PLPPR1: variants seen among roughly 807,000 people sequenced by gnomAD.
PLPPR1 encodes the protein phospholipid phosphatase-related protein type 1.
A neutral mutation model predicts 33.1 loss-of-function variants in PLPPR1; 10 were observed. That is an observed-to-expected ratio of 0.30 (90% CI 0.19 to 0.51). PLPPR1 has a LOEUF of 0.51. Among genes scored for constraint, PLPPR1 ranks in the 20% least tolerant of loss-of-function variants. PLPPR1 has a pLI of 0.97. For synonymous variants in PLPPR1, 151 were observed against 151.0 expected (o/e 1.00, Z 0.00); for missense variants, 304 against 408.1 (o/e 0.74, Z 2.20).
intron 1 of PLPPR1, among the ~76,000 whole-genome samples, chr9:101,121,259 T>C (rs1448975744): frequency 6.6e-6 from 1 of 152,224 alleles, no homozygotes; most frequent in Non-Finnish European, 1.5e-5. Flanking sequence ...ATTGAGCTCC[T>C]ATGTATCAGA....
intron 2 of PLPPR1, among the ~76,000 whole-genome samples, chr9:101,200,322 C>T (rs2118746177): frequency 6.6e-6 from 1 of 152,216 alleles, no homozygotes; most frequent in East Asian, 1.9e-4. Flanking sequence ...TGGCTTCCCT[C>T]CCTTTCCCAT....
intron 1 of PLPPR1, among the ~76,000 whole-genome samples, chr9:101,173,854 T>C (rs977607162): frequency 3.9e-5 from 6 of 152,214 alleles, no homozygotes; most frequent in Admixed American, 6.5e-5. Context: ...ATTTTGAGGA[T>C]AGAAGCCGGC....
chr9:101,151,699 C>A (rs1057010959), intron 1 of PLPPR1, among the ~76,000 whole-genome samples: 1 of 152,174 alleles, frequency 6.6e-6, no homozygotes, highest in African/African-American at 2.4e-5. Flanking sequence ...TGCCACTTCT[C>A]TCTCTCCCAG....
intron 1 of PLPPR1, among the ~76,000 whole-genome samples, chr9:101,143,836 T>A (rs1162747468): frequency 6.6e-6 from 1 of 152,252 alleles, no homozygotes; most frequent in Admixed American, 6.5e-5. Flanking sequence ...TTGGTGGAAC[T>A]GTAAACTAGT....
chr9:101,198,864 G>A (rs1826444170), intron 2 of PLPPR1, among the ~76,000 whole-genome samples: 1 of 152,236 alleles, frequency 6.6e-6, no homozygotes, highest in African/African-American at 2.4e-5. Flanking sequence ...AGGGAGTAGT[G>A]ACAGAGGAGA....
At chr9:101,085,685 C>T (rs75058662) in intron 1 of PLPPR1, among the ~76,000 whole-genome samples, 8,088 of 152,194 alleles carry the variant, frequency 0.053, 381 homozygotes, top group African/African-American at 0.12. Flanking sequence ...GAAAATGGAT[C>T]CCGTTATTCC....
chr9:101,156,552 CAAAAAAA>C (rs1162056636), intron 1 of PLPPR1, among the ~76,000 whole-genome samples: 2 of 71,330 alleles, frequency 2.8e-5, no homozygotes, highest in Admixed American at 3.1e-4. Flanking sequence ...ACCCTGTCTC[CAAAAAAA>C]AAAAAAAAAA....
intron 1 of PLPPR1, chr9:101,125,412 A>G (rs1423225417): frequency 4.9e-6 from 1 of 202,630 alleles, no homozygotes; most frequent in Non-Finnish European, 1.0e-5. Context: ...ACTTATCTCT[A>G]CTTACTTACT....
chr9:101,223,921 CAAAT>C (rs1263990626), intron 2 of PLPPR1, among the ~76,000 whole-genome samples: 1 of 151,898 alleles, frequency 6.6e-6, no homozygotes, highest in African/African-American at 2.4e-5. Context: ...TTGTAGAAAA[CAAAT>C]AGTTTTTAGT....
At chr9:101,238,234 A>G (rs1380255721) in intron 2 of PLPPR1, among the ~76,000 whole-genome samples, 4 of 136,482 alleles carry the variant, frequency 2.9e-5, no homozygotes, top group Admixed American at 7.3e-5. Context: ...ACCTCTCTAT[A>G]TATACCTATA....
At chr9:101,149,892 T>G (rs1366771059) in intron 1 of PLPPR1, among the ~76,000 whole-genome samples, 3 of 152,186 alleles carry the variant, frequency 2.0e-5, no homozygotes, top group Non-Finnish European at 2.9e-5. Context: ...CCATTTTTTC[T>G]GTTCTCTTTT....
At chr9:101,292,327 A>T (rs1364720318) in intron 4 of PLPPR1, among the ~76,000 whole-genome samples, 1 of 152,218 alleles carries the variant, frequency 6.6e-6, no homozygotes, top group Non-Finnish European at 1.5e-5. Context: ...GGTGTACCTG[A>T]AAGTGATGGG....
chr9:101,210,959 G>T (rs1044765966), intron 2 of PLPPR1, among the ~76,000 whole-genome samples: 10 of 152,094 alleles, frequency 6.6e-5, no homozygotes, highest in African/African-American at 2.4e-4. Flanking sequence ...AGTAGAAACG[G>T]GGTTTCACCA....
chr9:101,304,841 G>A (rs1828826104), intron 4 of PLPPR1, among the ~76,000 whole-genome samples: 2 of 152,144 alleles, frequency 1.3e-5, no homozygotes, highest in African/African-American at 4.8e-5. Context: ...ACTCTATAGA[G>A]CGTGCACAAA....
chr9:101,317,225 C>T, intron 6 of PLPPR1, 140 bp from the exon 7 acceptor site: 1 of 853,108 alleles, frequency 1.2e-6, no homozygotes, highest in Admixed American at 2.5e-5. Flanking sequence ...ACAGCACTTC[C>T]CATAGTCCCT....
At chr9:101,265,408 C>T (rs1827971549) in intron 2 of PLPPR1, among the ~76,000 whole-genome samples, 1 of 152,184 alleles carries the variant, frequency 6.6e-6, no homozygotes, top group Non-Finnish European at 1.5e-5. Context: ...AGTACTTGCA[C>T]CCAGCATGGC....
At chr9:101,201,659 CA>C (rs1311607015) in intron 2 of PLPPR1, among the ~76,000 whole-genome samples, 1 of 152,188 alleles carries the variant, frequency 6.6e-6, no homozygotes, top group Admixed American at 6.5e-5. Context: ...GCTACATTCT[CA>C]GTAATCATTA....
At chr9:101,107,775 A>G (rs1830993072) in intron 1 of PLPPR1, among the ~76,000 whole-genome samples, 1 of 135,294 alleles carries the variant, frequency 7.4e-6, no homozygotes, top group Admixed American at 7.4e-5. Flanking sequence ...GTTTAATCTC[A>G]GACTGCTGTG....
chr9:101,035,844 G>C (rs2118405735), intron 1 of PLPPR1, among the ~76,000 whole-genome samples: 1 of 152,252 alleles, frequency 6.6e-6, no homozygotes, highest in East Asian at 1.9e-4. Flanking sequence ...CAAGTGAAAT[G>C]ACACAAGGAA....
Sources: gnomAD v4.1 joint callset for allele counts (sites outside exome capture counted in the v4.1 genomes callset) on GRCh38, gnomAD v4.1.1 for gene constraint, MANE v1.5 for transcripts, NCBI Gene and HGNC (gene_info 2026-07-23, HGNC 2026-07-21) for gene names.